The following MAGI1 variants were observed in gnomAD, a reference collection of about 807,000 sequenced individuals.
MAGI1 encodes the protein membrane-associated guanylate kinase, WW and PDZ domain-containing protein 1.
In MAGI1, 58 loss-of-function variants were observed where a neutral mutation model predicts 139.9. That is an observed-to-expected ratio of 0.41 (90% CI 0.34 to 0.52). The LOEUF (loss-of-function observed/expected upper bound fraction) is 0.52. Ranked by LOEUF, MAGI1 falls within the 20% of genes least tolerant of loss-of-function variation. The probability of loss-of-function intolerance (pLI) is 0.12; values close to 1 mark genes in which losing one functional copy is unlikely to be tolerated. For missense variants in MAGI1, 1,874 were observed against 1,901.6 expected, an observed-to-expected ratio of 0.99 and a Z score of 0.27; for synonymous variants, 812 against 737.9, an observed-to-expected ratio of 1.10 and a Z score of -1.63.
At chr3:65,508,494 C>CTAATAGAA (rs2077401415) in intron 2 of MAGI1, among the ~76,000 whole-genome samples, 1 of 152,116 alleles carries the variant, frequency 6.6e-6, no homozygotes, top group African/African-American at 2.4e-5. Context: ...AGACAATAGT[C>CTAATAGAA]TTTAAATAGA....
chr3:65,834,306 A>G (rs1486348405), intron 1 of MAGI1, among the ~76,000 whole-genome samples: 1 of 152,232 alleles, frequency 6.6e-6, no homozygotes, highest in Non-Finnish European at 1.5e-5. Flanking sequence ...GAAAAATCTG[A>G]GGGAAGAGCA....
intron 1 of MAGI1, among the ~76,000 whole-genome samples, chr3:66,013,753 T>G (rs1451630431): frequency 7.0e-6 from 1 of 142,832 alleles, no homozygotes; most frequent in Admixed American, 7.0e-5. Context: ...AGAGTGAGAC[T>G]CTGTCTCAAA....
rs916525961 is a variant in MAGI1, at chr3:65,356,246, A to T, written c.*132T>A. 3.6e-6 allele frequency: 3 copies of T among 824,828 alleles called. No homozygotes were observed. In the African/African-American group the frequency reaches 5.2e-5, roughly 14 times the overall value. 51.1% of individuals were successfully genotyped at this position (824,828 alleles called of 1,614,324 possible). Reference sequence around the variant, plus strand: ...TTTCTTATAAGATTTCAAATGCATAAAATGTTTGTTGTTATTCATAGGATC... The same window carrying T: ...TTTCTTATAAGATTTCAAATGCATATAATGTTTGTTGTTATTCATAGGATC... On this transcript the variant is annotated 3_prime_UTR_variant, in exon 23 of 23. Coordinates refer to ENST00000402939, the MANE Select transcript of MAGI1 (RefSeq NM_001033057.2).
intron 1 of MAGI1, among the ~76,000 whole-genome samples, chr3:65,789,844 T>C (rs2039643394): frequency 6.6e-6 from 1 of 152,206 alleles, no homozygotes; most frequent in Non-Finnish European, 1.5e-5. Flanking sequence ...TTGAGCAATA[T>C]GCAATCTCAA....
chr3:65,510,955 C>G (rs1169275809), intron 2 of MAGI1, among the ~76,000 whole-genome samples: 2 of 148,114 alleles, frequency 1.4e-5, no homozygotes, highest in African/African-American at 4.9e-5. Context: ...CAGCGGATCT[C>G]TTGGCAGAAA....
chr3:65,882,547 T>C (rs1166599403), intron 1 of MAGI1, among the ~76,000 whole-genome samples: 1 of 151,774 alleles, frequency 6.6e-6, no homozygotes, highest in Non-Finnish European at 1.5e-5. Context: ...AAGGGAGACA[T>C]TCCTCAACTG....
Position 66,001,388 on chromosome 3 carries a change from C to T in MAGI1, c.313+36608G>A, listed in dbSNP as rs561711383. Among the ~76,000 whole-genome samples, 70 of 152,282 alleles carry T rather than the reference C, an allele frequency of 4.6e-4. 2 individuals are homozygous for T. In the South Asian group the frequency reaches 0.014, roughly 30 times the overall value. ...TAGATCCAAACCACTAAAACCTCCA[C>T]CAACTTATCCACAGACCAAAGTTCA... On this transcript the variant is annotated intron_variant, in intron 1 of 22. Coordinates refer to ENST00000402939, the MANE Select transcript of MAGI1 (RefSeq NM_001033057.2).
At chr3:65,782,126 T>C (rs1028661944) in intron 1 of MAGI1, among the ~76,000 whole-genome samples, 1 of 152,186 alleles carries the variant, frequency 6.6e-6, no homozygotes, top group African/African-American at 2.4e-5. Flanking sequence ...ATAGGCAGAA[T>C]AATCACCCCA....
In MAGI1 at chr3:66,019,946, G is replaced by C. The variant is rs966077091; in HGVS notation, c.313+18050C>G. ...TAGGGAACCATGTTTTGCTCCCAGTGCAACAGTCAAAAGGCCCAGATAAGG... is the reference window on the plus strand; with the variant it reads ...TAGGGAACCATGTTTTGCTCCCAGTCCAACAGTCAAAAGGCCCAGATAAGG... On this transcript the variant is annotated intron_variant, in intron 1 of 22. Transcript: ENST00000402939. 2.0e-5 allele frequency among the ~76,000 whole-genome samples: 3 copies of C among 152,114 alleles called. No individual in the cohort carries two copies. The East Asian group carries it at 5.8e-4, about 29-fold the overall frequency.
chr3:65,966,734 G>T (rs1342320806), intron 1 of MAGI1, among the ~76,000 whole-genome samples: 1 of 152,132 alleles, frequency 6.6e-6, no homozygotes, highest in Non-Finnish European at 1.5e-5. Context: ...CTGCAAGTGG[G>T]GATAATCTGC....
At chr3:65,985,098 A>T (rs1261008673) in intron 1 of MAGI1, among the ~76,000 whole-genome samples, 1 of 152,186 alleles carries the variant, frequency 6.6e-6, no homozygotes. Context: ...TGTGACTTTC[A>T]AAAGGCTCTG....
chr3:65,808,319 G>A (rs1206298031), intron 1 of MAGI1, among the ~76,000 whole-genome samples: 2 of 151,874 alleles, frequency 1.3e-5, no homozygotes, highest in Non-Finnish European at 2.9e-5. Context: ...TTGTCAACAT[G>A]GTGAAACCCT....
At chr3:65,856,346 A>G (rs1685966473) in intron 1 of MAGI1, among the ~76,000 whole-genome samples, 1 of 152,138 alleles carries the variant, frequency 6.6e-6, no homozygotes, top group Admixed American at 6.5e-5. Context: ...TGCACAGCTT[A>G]TCCATTCCTG....
intron 18 of MAGI1, among the ~76,000 whole-genome samples, chr3:65,367,863 T>C (rs1201772658): frequency 6.6e-6 from 1 of 152,174 alleles, no homozygotes; most frequent in Non-Finnish European, 1.5e-5. Flanking sequence ...GTATAAATAC[T>C]ACCAACCTCA....
chr3:65,866,659 C>G (rs2059739629), intron 1 of MAGI1, among the ~76,000 whole-genome samples: 1 of 152,080 alleles, frequency 6.6e-6, no homozygotes, highest in South Asian at 2.1e-4. Flanking sequence ...CATATGAATT[C>G]CACTGTGGGT....
At chr3:65,948,384 T>A (rs1042559375) in intron 1 of MAGI1, among the ~76,000 whole-genome samples, 3 of 152,216 alleles carry the variant, frequency 2.0e-5, no homozygotes, top group Admixed American at 2.0e-4. Flanking sequence ...CTTTGAGACT[T>A]TCTTCATTAA....
At chr3:65,838,040 T>A (rs1336004325) in intron 1 of MAGI1, among the ~76,000 whole-genome samples, 1 of 152,210 alleles carries the variant, frequency 6.6e-6, no homozygotes. Flanking sequence ...GCCGGAAAAC[T>A]GGCATTGCAA....
chr3:65,359,692 A>C, intron 22 of MAGI1: 1 of 987,196 alleles, frequency 1.0e-6, no homozygotes, highest in Non-Finnish European at 1.2e-6. Flanking sequence ...TGACGCATGG[A>C]GACATTACAG....
intron 14 of MAGI1, 84 bp downstream of exon 14, chr3:65,391,058 C>G: frequency 3.3e-6 from 4 of 1,194,564 alleles, no homozygotes; most frequent in Non-Finnish European, 2.4e-6. Context: ...CACACTGCAA[C>G]TCATCTATTT....
Sources: allele counts gnomAD v4.1 joint callset (sites outside exome capture counted in the v4.1 genomes callset), GRCh38; gene constraint gnomAD v4.1.1; transcripts MANE v1.5; gene names NCBI Gene and HGNC (gene_info 2026-07-23, HGNC 2026-07-21).